Variants in SCAF8 observed in about 807,000 individuals in gnomAD.
SCAF8 encodes SR-related and CTD-associated factor 8.
SCAF8 carries 23 observed loss-of-function variants against 140.5 expected under a neutral mutation model. That is an observed-to-expected ratio of 0.16 (90% CI 0.12 to 0.23). SCAF8 has a LOEUF of 0.23. Ranked by LOEUF, SCAF8 falls within the 10% of genes least tolerant of loss-of-function variation. The pLI, the probability that SCAF8 is intolerant of heterozygous loss-of-function variation, is 1.00. For synonymous variants in SCAF8, 575 were observed against 528.9 expected (o/e 1.09, Z -1.20); for missense variants, 1,397 against 1,555.7 (o/e 0.90, Z 1.72).
intron 3 of SCAF8, among the ~76,000 whole-genome samples, chr6:154,784,159 T>TATATATA (rs1777182455): frequency 1.6e-4 from 15 of 95,494 alleles, no homozygotes; most frequent in Non-Finnish European, 2.6e-4. Context: ...ATATATATAT[T>TATATATA]TATTTATTTA....
intron 18 of SCAF8, 46 bp downstream of exon 18, chr6:154,827,286 A>C (rs1397366269): frequency 7.7e-7 from 1 of 1,296,492 alleles, no homozygotes; most frequent in South Asian, 1.3e-5. Context: ...GGTAGTGTTA[A>C]TTTTAGTGTG....
At chr6:154,745,677 CT>C (rs1778680317) in intron 1 of SCAF8, among the ~76,000 whole-genome samples, 2 of 152,214 alleles carry the variant, frequency 1.3e-5, no homozygotes, top group Admixed American at 1.3e-4. Flanking sequence ...TGGGGAGATA[CT>C]TTGATGCAAA....
chr6:154,795,724 A>G (rs1777581798), intron 6 of SCAF8, among the ~76,000 whole-genome samples: 1 of 152,308 alleles, frequency 6.6e-6, no homozygotes, highest in Middle Eastern at 3.4e-3. Context: ...GGAATAGAAG[A>G]AGGCTTCTGT....
In SCAF8 at chr6:154,733,494, C is replaced by T. The variant is rs965442864; in HGVS notation, c.-407C>T. The T allele has an allele frequency of 5.7e-5, 75 of 1,322,030 alleles. No homozygotes were observed. In the South Asian group the frequency reaches 1.2e-3, roughly 22 times the overall value. 81.9% of individuals were successfully genotyped at this position (1,322,030 alleles called of 1,614,324 possible). Reference sequence around the variant, plus strand: ...GCGGGGCTGGTTCCTGCGGCCCGAGCGGCGGGGAGGTGAAACAGGAGCCCG... The same window carrying T: ...GCGGGGCTGGTTCCTGCGGCCCGAGTGGCGGGGAGGTGAAACAGGAGCCCG... On this transcript the variant is annotated 5_prime_UTR_variant, in exon 1 of 20. Coordinates refer to ENST00000367178, the MANE Select transcript of SCAF8 (RefSeq NM_014892.5).
At chr6:154,737,504 C>T (rs114266911) in intron 1 of SCAF8, among the ~76,000 whole-genome samples, 311 of 152,172 alleles carry the variant, frequency 2.0e-3, no homozygotes, top group African/African-American at 7.1e-3. Flanking sequence ...GGCGAAACCC[C>T]CATCTCTACA....
chr6:154,820,158 C>G lies in SCAF8; in HGVS notation c.1636-19C>G. The G allele has an allele frequency of 6.5e-7, 1 of 1,541,350 alleles. No homozygotes were observed. Among genetic ancestry groups the G allele is most frequent in the South Asian group, 1.3e-5 (1 of 76,722 alleles). Reference sequence around the variant, plus strand: ...ATGTATGTATAACCTTTCTTTTTTCCTCTTCCCATTTACAATAGATCGCTT... The same window carrying G: ...ATGTATGTATAACCTTTCTTTTTTCGTCTTCCCATTTACAATAGATCGCTT... On this transcript the variant is annotated intron_variant, in intron 14 of 19. Coordinates refer to ENST00000367178, the MANE Select transcript of SCAF8 (RefSeq NM_014892.5).
chr6:154,761,913 C>G (rs1776412900), intron 1 of SCAF8, among the ~76,000 whole-genome samples: 1 of 152,096 alleles, frequency 6.6e-6, no homozygotes, highest in Non-Finnish European at 1.5e-5. Context: ...TCAGCAAAAT[C>G]AGTTTATTAA....
intron 1 of SCAF8, chr6:154,741,969 C>T (rs1370391024): frequency 8.5e-6 from 13 of 1,532,846 alleles, no homozygotes; most frequent in Non-Finnish European, 1.1e-5. Context: ...TGTGCCTCTA[C>T]TCCTGCTTGT....
Position 154,820,294 on chromosome 6 carries a change from G to T in SCAF8, c.1753G>T (p.Ala585Ser). The T allele has an allele frequency of 3.1e-6, 5 of 1,611,696 alleles. No individual in the cohort carries two copies. Among genetic ancestry groups the T allele is most frequent in the Non-Finnish European group, 4.2e-6 (5 of 1,179,288 alleles). ...TAAAGTGGATGACTTGGAAGGTTTT[G>T]CAGAAGGAGGCATGATTGATCAGGA... ...KVKVDDLEGFAEGGMIDQETV... is the reference protein window; with the variant it reads ...KVKVDDLEGFSEGGMIDQETV... Residue 585 changes from alanine to serine, a missense_variant, in exon 15 of 20, where the codon GCA becomes TCA. Coordinates refer to ENST00000367178, the MANE Select transcript of SCAF8 (RefSeq NM_014892.5).
At chr6:154,772,013 T>C (rs1776782756) in intron 1 of SCAF8, among the ~76,000 whole-genome samples, 11 of 152,110 alleles carry the variant, frequency 7.2e-5, no homozygotes, top group Admixed American at 7.2e-4. Context: ...GGTTAGAATT[T>C]TGAAATACGA....
At position 154,833,512 on chromosome 6, in the gene SCAF8, G is replaced by A. The variant is rs1778813966; in HGVS notation, c.*117G>A. 7 of 919,806 alleles carry A rather than the reference G, an allele frequency of 7.6e-6. No homozygotes were observed. Among genetic ancestry groups the A allele is most frequent in the Non-Finnish European group, 9.8e-6 (6 of 611,136 alleles). The allele number at this position is 919,806 out of a possible 1,614,324, so 57.0% of individuals were successfully genotyped here. ...TCTGCCAGAATTAAGTTAATCTGAT[G>A]TTCATGTTCACCTTTCTCTTAAAAT... On this transcript the variant is annotated 3_prime_UTR_variant, in exon 20 of 20. Coordinates refer to ENST00000367178, the MANE Select transcript of SCAF8 (RefSeq NM_014892.5).
chr6:154,828,802 GA>G (rs372798880), intron 18 of SCAF8, among the ~76,000 whole-genome samples: 46 of 152,094 alleles, frequency 3.0e-4, no homozygotes, highest in Middle Eastern at 3.4e-3. Flanking sequence ...ATTTTGAACA[GA>G]AAAAAATGAA....
intron 6 of SCAF8, among the ~76,000 whole-genome samples, chr6:154,798,516 T>C (rs148359972): frequency 5.3e-4 from 81 of 151,558 alleles, no homozygotes; most frequent in African/African-American, 1.9e-3. Flanking sequence ...CTTTCTTCCC[T>C]TTGTTCTTCA....
rs57095332 is a variant in SCAF8, at chr6:154,790,489, A to AT, written c.322-2295dup. ...TTGTAAAACATATACATTTAACAGA[A>AT]TTTTTTTTTTTTTTTTTTTTTTTTT... On this transcript the variant is annotated intron_variant, in intron 4 of 19. Coordinates refer to ENST00000367178, the MANE Select transcript of SCAF8 (RefSeq NM_014892.5). 3.2e-4 allele frequency among the ~76,000 whole-genome samples: 23 copies of AT among 70,800 alleles called. 5 individuals carry two copies. The highest frequency in any genetic ancestry group is 6.1e-4 in the South Asian group (1 of 1,636). 46.4% of individuals were successfully genotyped at this position (70,800 alleles called of 152,430 possible).
intron 4 of SCAF8, 102 bp downstream of exon 4, chr6:154,788,124 TA>T: frequency 1.0e-6 from 1 of 991,276 alleles, no homozygotes; most frequent in Non-Finnish European, 1.5e-6. Flanking sequence ...ATGTGCCACA[TA>T]ATGATGTTTC....
At chr6:154,777,866 ATGTT>A (rs1355077725) in intron 2 of SCAF8, 131 bp from the exon 3 acceptor site, 2 of 631,760 alleles carry the variant, frequency 3.2e-6, no homozygotes, top group Non-Finnish European at 5.6e-6. Context: ...AGTGACAAGA[ATGTT>A]TGTCTCAAAA....
intron 19 of SCAF8, 115 bp from the exon 20 acceptor site, chr6:154,831,824 C>CATG: frequency 1.4e-6 from 1 of 719,594 alleles, no homozygotes; most frequent in Non-Finnish European, 2.2e-6. Context: ...AAAAAGATGT[C>CATG]ATGTAGTAGC....
chr6:154,810,282 C>A (rs1275879891), intron 12 of SCAF8, 74 bp downstream of exon 12: 2 of 1,112,772 alleles, frequency 1.8e-6, no homozygotes, highest in African/African-American at 1.6e-5. Flanking sequence ...CAAAGTCTCT[C>A]AGCCAAATTT....
intron 18 of SCAF8, among the ~76,000 whole-genome samples, chr6:154,829,082 A>G (rs757558691): frequency 6.6e-6 from 1 of 152,184 alleles, no homozygotes; most frequent in African/African-American, 2.4e-5. Flanking sequence ...AGTAACCTAT[A>G]TAACAAACAC....
Sources: allele counts gnomAD v4.1 joint callset (sites outside exome capture counted in the v4.1 genomes callset), GRCh38; gene constraint gnomAD v4.1.1; transcripts MANE v1.5; gene names NCBI Gene and HGNC (gene_info 2026-07-23, HGNC 2026-07-21).